HCN2: variants seen among roughly 807,000 people sequenced by gnomAD.
The protein encoded by HCN2 is hyperpolarization activated cyclic nucleotide gated potassium and sodium channel 2, also known as potassium/sodium hyperpolarization-activated cyclic nucleotide-gated channel 2.
HCN2 carries 20 observed loss-of-function variants against 52.3 expected under a neutral mutation model. That is an observed-to-expected ratio of 0.38 (90% CI 0.27 to 0.56). HCN2 has a LOEUF of 0.56. Among genes scored for constraint, HCN2 ranks in the 20% least tolerant of loss-of-function variants. HCN2 has a pLI of 0.71. For missense variants in HCN2, 981 were observed against 1,207.7 expected, an observed-to-expected ratio of 0.81 and a Z score of 2.78; for synonymous variants, 694 against 537.0, an observed-to-expected ratio of 1.29 and a Z score of -4.04.
intron 6 of HCN2, among the ~76,000 whole-genome samples, 167 bp from the exon 7 acceptor site, chr19:613,685 A>G (rs1171174656): frequency 4.3e-5 from 1 of 23,400 alleles, no homozygotes; most frequent in African/African-American, 2.3e-4. Flanking sequence ...GGGGCCGGGG[A>G]TGGGGCCGGG....
chr19:606,575 A>G (rs548446180), intron 3 of HCN2, among the ~76,000 whole-genome samples: 1 of 151,982 alleles, frequency 6.6e-6, no homozygotes, highest in South Asian at 2.1e-4. Flanking sequence ...TAAATGGGCC[A>G]GGCATGGCTG....
chr19:601,434 C>G (rs1027544962), intron 1 of HCN2, among the ~76,000 whole-genome samples: 2 of 152,316 alleles, frequency 1.3e-5, no homozygotes, highest in Non-Finnish European at 1.5e-5. Flanking sequence ...GTGGACGGGT[C>G]GCGCCGTGTT....
Position 616,114 on chromosome 19 carries a change from C to A in HCN2, c.2310C>A (p.Ala770=). The A allele has an allele frequency of 3.1e-6, 3 of 958,424 alleles. No homozygotes were observed. The highest frequency in any genetic ancestry group is 3.7e-6 in the Non-Finnish European group (3 of 807,302). 59.4% of individuals were successfully genotyped at this position (958,424 alleles called of 1,614,324 possible). The stretch of plus-strand genomic sequence containing the variant: ...CCCCGGGGCCCGCACCTGCCGCCGC[C>A]TCACCCGGGCCCCCGCCCCCCGCCA... ...RPPPGPAPAA[A]SPGPPPPASP... is the part of the protein sequence containing the mutation. Residue 770 remains alanine, a synonymous_variant, in exon 8 of 8, where the codon GCC becomes GCA. Transcript: ENST00000251287.
At chr19:596,339 C>T (rs573351980) in intron 1 of HCN2, among the ~76,000 whole-genome samples, 6 of 152,244 alleles carry the variant, frequency 3.9e-5, no homozygotes, top group South Asian at 2.1e-4. Context: ...GTGCCGGGGG[C>T]CCCACTGAAG....
chr19:610,506 A>C, intron 5 of HCN2, 101 bp downstream of exon 5: 1 of 1,024,996 alleles, frequency 9.8e-7, no homozygotes, highest in Non-Finnish European at 1.5e-6. Flanking sequence ...CGAGGTGCCT[A>C]GGCTGCAGCA....
At position 617,084 on chromosome 19, in the gene HCN2, C is replaced by A; in HGVS notation, c.*610C>A. 1 of 597,270 alleles carries A rather than the reference C, an allele frequency of 1.7e-6. No individual in the cohort carries two copies. Among genetic ancestry groups the A allele is most frequent in the Admixed American group, 2.8e-5 (1 of 36,296 alleles). 37.0% of individuals were successfully genotyped at this position (597,270 alleles called of 1,614,324 possible). Reference sequence around the variant, plus strand: ...GTACTGACGAGCCGAGGCAGCAGTGCCCCCACCGTGGCCCCCCACGCCCCA... The same window carrying A: ...GTACTGACGAGCCGAGGCAGCAGTGACCCCACCGTGGCCCCCCACGCCCCA... On this transcript the variant is annotated 3_prime_UTR_variant, in exon 8 of 8. Coordinates refer to ENST00000251287, the MANE Select transcript of HCN2 (RefSeq NM_001194.4).
chr19:602,078 T>TGC, intron 1 of HCN2, among the ~76,000 whole-genome samples: 1 of 136,070 alleles, frequency 7.3e-6, no homozygotes, highest in African/African-American at 2.9e-5. Context: ...CCCTCCCTCC[T>TGC]GTGTGGACGC....
At chr19:604,024 G>C in intron 2 of HCN2, 57 bp downstream of exon 2, 1 of 1,341,206 alleles carries the variant, frequency 7.5e-7, no homozygotes, top group Non-Finnish European at 1.0e-6. Flanking sequence ...AATGGTGCAT[G>C]GGCGGGGCCA....
chr19:590,893 T>G lies in HCN2; in HGVS notation c.632+316T>G. The G allele has an allele frequency of 5.5e-6, 1 of 183,302 alleles. No homozygotes were observed. Among genetic ancestry groups the G allele is most frequent in the Non-Finnish European group, 1.1e-5 (1 of 88,854 alleles). The allele number at this position is 183,302 out of a possible 1,614,324, so 11.4% of individuals were successfully genotyped here. ...AGCGCAGAGGGGCAGAGAGGACGAA[T>G]AGAGGGGAACGTGGGCCCCAGAGAG... On this transcript the variant is annotated intron_variant, in intron 1 of 7. Coordinates refer to ENST00000251287, the MANE Select transcript of HCN2 (RefSeq NM_001194.4). This position sits in a 1 kb window ranked among gnomAD's most constrained non-coding sequence, Gnocchi z 7.2.
At chr19:611,280 A>T (rs758261144) in intron 5 of HCN2, among the ~76,000 whole-genome samples, 2 of 152,116 alleles carry the variant, frequency 1.3e-5, no homozygotes, top group African/African-American at 2.4e-5. Flanking sequence ...TGAAGGTCCC[A>T]CCCTCAGGAA....
chr19:599,579 A>G (rs1983136198), intron 1 of HCN2, among the ~76,000 whole-genome samples: 1 of 151,410 alleles, frequency 6.6e-6, no homozygotes, highest in Non-Finnish European at 1.5e-5. Context: ...GGAGTTCGAG[A>G]CCATCCTGGC....
At chr19:596,429 G>C (rs1983032221) in intron 1 of HCN2, among the ~76,000 whole-genome samples, 1 of 152,100 alleles carries the variant, frequency 6.6e-6, no homozygotes, top group South Asian at 2.1e-4. Flanking sequence ...TTTCCCCAGG[G>C]ACCCAGCCTC....
At chr19:615,025 C>A (rs769676783) in intron 7 of HCN2, among the ~76,000 whole-genome samples, 1 of 152,128 alleles carries the variant, frequency 6.6e-6, no homozygotes, top group Non-Finnish European at 1.5e-5. Context: ...GCAACCCGTT[C>A]CTGAGTATCA....
Position 617,101 on chromosome 19 carries a change from C to CCCCCCCCCTT in HCN2, c.*627_*628insCCCCCCCCTT. On this transcript the variant is annotated 3_prime_UTR_variant, in exon 8 of 8. Coordinates refer to ENST00000251287, the MANE Select transcript of HCN2 (RefSeq NM_001194.4). ...CAGCAGTGCCCCCACCGTGGCCCCCCACGCCCCATTAACCCCCACACCCCC... is the reference window on the plus strand; with the variant it reads ...CAGCAGTGCCCCCACCGTGGCCCCCCCCCCCCCCTTACGCCCCATTAACCCCCACACCCCC... 1 of 518,764 alleles carries CCCCCCCCCTT rather than the reference C, an allele frequency of 1.9e-6. No homozygotes were observed. The highest frequency in any genetic ancestry group is 3.5e-6 in the Non-Finnish European group (1 of 285,492). 32.1% of individuals were successfully genotyped at this position (518,764 alleles called of 1,614,324 possible).
intron 7 of HCN2, 61 bp downstream of exon 7, chr19:614,077 G>GGGCGGGTGCCC: frequency 7.8e-7 from 1 of 1,280,914 alleles, no homozygotes; most frequent in Non-Finnish European, 1.0e-6. Flanking sequence ...CGTGGCCAAG[G>GGGCGGGTGCCC]CATCAGGAGA....
chr19:605,138 C>T lies in HCN2; in HGVS notation c.1134C>T (p.Cys378=), dbSNP rs1161371725. 1.2e-6 allele frequency: 2 copies of T among 1,611,912 alleles called. No homozygotes were observed. The highest frequency in any genetic ancestry group is 1.3e-5 in the African/African-American group (1 of 74,812). The change falls in exon 3 of 8, where the codon TGC becomes TGT. Residue 378 remains cysteine (C), a synonymous_variant. Transcript: ENST00000251287. ...TCATCAGCATGATGCTGCTGCTCTG[C>T]CACTGGGACGGCTGCCTGCAGTTCC... ...CNLISMMLLL[C]HWDGCLQFLV...
At chr19:613,120 C>A in intron 5 of HCN2, 128 bp from the exon 6 acceptor site, 2 of 1,285,948 alleles carry the variant, frequency 1.6e-6, no homozygotes, top group Non-Finnish European at 2.1e-6. Context: ...TCGGTTCCGG[C>A]TACGGGGCTG....
intron 3 of HCN2, 86 bp downstream of exon 3, chr19:605,308 G>A: frequency 4.5e-6 from 6 of 1,343,634 alleles, no homozygotes; most frequent in Non-Finnish European, 6.1e-6. Context: ...GCTTACAGAG[G>A]GTTGAACCCA....
At chr19:610,681 G>A (rs376076505) in intron 5 of HCN2, among the ~76,000 whole-genome samples, 1 of 152,320 alleles carries the variant, frequency 6.6e-6, no homozygotes, top group East Asian at 1.9e-4. Flanking sequence ...GCAGGGGGTG[G>A]GGAGGGAGGA....
Sources: gnomAD v4.1 joint callset for allele counts (sites outside exome capture counted in the v4.1 genomes callset) on GRCh38, gnomAD v4.1.1 for gene constraint, Gnocchi (gnomAD v3.1) non-coding constraint, MANE v1.5 for transcripts, NCBI Gene and HGNC (gene_info 2026-07-23, HGNC 2026-07-21) for gene names.